The following MRPS31 variants were observed in gnomAD, a reference collection of about 807,000 sequenced individuals.
MRPS31 encodes small ribosomal subunit protein mS31.
Under a neutral mutation model 43.1 loss-of-function variants are expected in MRPS31, and 32 were observed. The observed-to-expected ratio is 0.74, with a 90% CI of 0.56 to 1.00. The LOEUF is 1.00. MRPS31 is among the 50% of genes least tolerant of loss of function. The probability of loss-of-function intolerance (pLI) is 0.00; values close to 1 mark genes in which losing one functional copy is unlikely to be tolerated. For synonymous variants in MRPS31, 165 were observed against 161.6 expected, an observed-to-expected ratio of 1.02 and a Z score of -0.16; for missense variants, 437 against 466.7, an observed-to-expected ratio of 0.94 and a Z score of 0.59.
intron 5 of MRPS31, chr13:40,749,486 T>C (rs1350779542): frequency 2.7e-6 from 1 of 366,194 alleles, no homozygotes; most frequent in Non-Finnish European, 4.8e-6. Flanking sequence ...ACTTTTGTTT[T>C]GCAACAATGC....
chr13:40,764,652 A>G (rs923336090), intron 2 of MRPS31, among the ~76,000 whole-genome samples: 18 of 152,190 alleles, frequency 1.2e-4, no homozygotes, highest in African/African-American at 4.3e-4. Context: ...CCCAGCCACC[A>G]TGCAGGGATA....
intron 3 of MRPS31, among the ~76,000 whole-genome samples, chr13:40,757,620 G>GT (rs933351721): frequency 2.0e-5 from 3 of 150,038 alleles, no homozygotes; most frequent in African/African-American, 7.3e-5. Flanking sequence ...AATTTTTTGT[G>GT]TTTTTAGTAG....
At chr13:40,731,343 TGGCAGGTAGGGG>T (rs1879690873) in intron 6 of MRPS31, 1 of 120,840 alleles carries the variant, frequency 8.3e-6, no homozygotes, top group South Asian at 2.6e-4. Flanking sequence ...AGGCTGGGGG[TGGCAGGTAGGGG>T]GGCAGGTCAC....
At chr13:40,736,968 T>C (rs1213492916) in intron 6 of MRPS31, among the ~76,000 whole-genome samples, 1 of 150,974 alleles carries the variant, frequency 6.6e-6, no homozygotes, top group African/African-American at 2.4e-5. Flanking sequence ...AATGCTCCAA[T>C]TAAAAGACAC....
intron 6 of MRPS31, among the ~76,000 whole-genome samples, chr13:40,735,376 G>T (rs919199690): frequency 6.6e-6 from 1 of 152,212 alleles, no homozygotes; most frequent in Non-Finnish European, 1.5e-5. Flanking sequence ...CATTGCCCAG[G>T]CTTGCTTAGG....
Position 40,749,177 on chromosome 13 carries a change from C to G in MRPS31, c.919G>C (p.Glu307Gln). 1 of 1,602,228 alleles carries G rather than the reference C, an allele frequency of 6.2e-7. No individual in the cohort carries two copies. The highest frequency in any genetic ancestry group is 1.1e-5 in the South Asian group (1 of 88,600). ...ATTGGGAACTCCCATAGTTTCCCCT[C>G]TTTTGTCCACTGGATCAGCTCTTCA... The part of the protein sequence containing the change: ...GFEELIQWTK[E>Q]GKLWEFPINN... Residue 307 changes from glutamate (E) to glutamine (Q), a missense_variant, in exon 6 of 7, where the codon GAG becomes CAG. Glu to Gln is a conservative substitution (Grantham distance 29, BLOSUM62 2). Coordinates refer to ENST00000323563, the MANE Select transcript of MRPS31 (RefSeq NM_005830.4).
chr13:40,759,021 C>T lies in MRPS31; in HGVS notation c.526G>A (p.Glu176Lys). 1 of 1,608,644 alleles carries T rather than the reference C, an allele frequency of 6.2e-7. No homozygotes were observed. Among genetic ancestry groups the T allele is most frequent in the Non-Finnish European group, 8.5e-7 (1 of 1,177,970 alleles). Residue 176 changes from glutamate to lysine, a missense_variant, in exon 3 of 7, where the codon GAG (glutamate) becomes AAG (lysine). Coordinates refer to ENST00000323563, the MANE Select transcript of MRPS31 (RefSeq NM_005830.4). ...LPFDKQTTKSELLSQLQQHEE... is the reference protein window; with the variant it reads ...LPFDKQTTKSKLLSQLQQHEE... ...TGCTGCTGGAGCTGGCTCAGCAGCTCTGACTTGGTTGTTTGCTTATCAAAA... is the reference window on the plus strand; with the variant it reads ...TGCTGCTGGAGCTGGCTCAGCAGCTTTGACTTGGTTGTTTGCTTATCAAAA...
At chr13:40,735,450 G>A (rs1042058207) in intron 6 of MRPS31, among the ~76,000 whole-genome samples, 1 of 152,204 alleles carries the variant, frequency 6.6e-6, no homozygotes, top group African/African-American at 2.4e-5. Flanking sequence ...AGGCCTGCCT[G>A]CCTCTGTAGG....
chr13:40,740,703 G>C (rs1402270430), intron 6 of MRPS31, among the ~76,000 whole-genome samples: 1 of 139,020 alleles, frequency 7.2e-6, no homozygotes, highest in Non-Finnish European at 1.5e-5. Flanking sequence ...ACCAAACACC[G>C]CATATTCTCA....
At chr13:40,770,837 A>T in intron 1 of MRPS31, 148 bp downstream of exon 1, 1 of 1,038,250 alleles carries the variant, frequency 9.6e-7, no homozygotes, top group Non-Finnish European at 1.4e-6. Flanking sequence ...CACGCACACT[A>T]TGACCTTGGG....
At chr13:40,737,466 T>C (rs2137995809) in intron 6 of MRPS31, among the ~76,000 whole-genome samples, 1 of 151,970 alleles carries the variant, frequency 6.6e-6, no homozygotes, top group Admixed American at 6.5e-5. Context: ...CCACCCCAAA[T>C]CAACAGAATA....
At chr13:40,757,435 TCTTC>T (rs1478281759) in intron 3 of MRPS31, among the ~76,000 whole-genome samples, 2 of 145,862 alleles carry the variant, frequency 1.4e-5, no homozygotes, top group Non-Finnish European at 3.0e-5. Context: ...GATATCTATG[TCTTC>T]CTTTTTTTTT....
At chr13:40,763,007 G>A (rs895195914) in intron 2 of MRPS31, among the ~76,000 whole-genome samples, 16 of 152,292 alleles carry the variant, frequency 1.1e-4, no homozygotes, top group Middle Eastern at 3.4e-3. Context: ...TTTCATACTA[G>A]TGAAACACCA....
At chr13:40,743,314 C>G (rs1017795527) in intron 6 of MRPS31, among the ~76,000 whole-genome samples, 1 of 145,212 alleles carries the variant, frequency 6.9e-6, no homozygotes, top group Non-Finnish European at 1.5e-5. Flanking sequence ...AAAACTCTGT[C>G]TCAAAAAAAA....
chr13:40,762,512 C>A (rs1880726386), intron 2 of MRPS31, among the ~76,000 whole-genome samples: 1 of 151,528 alleles, frequency 6.6e-6, no homozygotes, highest in African/African-American at 2.4e-5. Context: ...CAGCTCACTG[C>A]AGCCTCAACC....
At position 40,766,995 on chromosome 13, in the gene MRPS31, CTG is replaced by C. The variant is rs746063512; in HGVS notation, c.189_190del (p.Asn63LysfsTer5). 2 of 1,608,654 alleles carry C rather than the reference CTG, an allele frequency of 1.2e-6. No individual in the cohort carries two copies. The highest frequency in any genetic ancestry group is 1.7e-6 in the Non-Finnish European group (2 of 1,178,824). ...CTTATCTTTCTTGCTACAGATCACA[CTG>C]TTAGTGCCAAAATATCTTTGGATGT... On this transcript the variant is annotated frameshift_variant, in exon 2 of 7. Transcript: ENST00000323563. LOFTEE classifies it high-confidence loss of function.
intron 1 of MRPS31, among the ~76,000 whole-genome samples, chr13:40,769,271 G>A (rs1203918746): frequency 6.6e-6 from 1 of 150,702 alleles, no homozygotes; most frequent in East Asian, 1.9e-4. Context: ...AGCTACTTGG[G>A]AGGCTGAGGC....
chr13:40,738,008 T>C (rs1385005091), intron 6 of MRPS31, among the ~76,000 whole-genome samples: 2 of 151,844 alleles, frequency 1.3e-5, no homozygotes, highest in South Asian at 2.1e-4. Context: ...AGCTGGTTTT[T>C]TGAAAGGATC....
intron 5 of MRPS31, among the ~76,000 whole-genome samples, chr13:40,750,371 T>G (rs1245029124): frequency 5.9e-5 from 9 of 152,096 alleles, no homozygotes; most frequent in Non-Finnish European, 1.3e-4. Flanking sequence ...ACATACTGTG[T>G]GTGGGGTGTG....
Sources: gnomAD v4.1 joint callset for allele counts (sites outside exome capture counted in the v4.1 genomes callset) on GRCh38, gnomAD v4.1.1 for gene constraint, MANE v1.5 for transcripts, NCBI Gene and HGNC (gene_info 2026-07-23, HGNC 2026-07-21) for gene names.